Variants in ERC1 observed in about 807,000 individuals in gnomAD.
The protein encoded by ERC1 is RAB6 interacting protein 2.
In ERC1, 56 loss-of-function variants were observed where a neutral mutation model predicts 132.0. The ratio of observed to expected loss-of-function variants is 0.42; its 90% confidence interval spans 0.34 to 0.53. ERC1 has a LOEUF of 0.53. Ranked by LOEUF, ERC1 falls within the 20% of genes least tolerant of loss-of-function variation. ERC1 has a pLI of 0.03. For missense variants in ERC1, 1,202 were observed against 1,349.9 expected, an observed-to-expected ratio of 0.89 and a Z score of 1.72; for synonymous variants, 478 against 476.1, an observed-to-expected ratio of 1.00 and a Z score of -0.05.
intron 12 of ERC1, among the ~76,000 whole-genome samples, chr12:1,202,409 G>A (rs1956993777): frequency 6.6e-6 from 1 of 152,160 alleles, no homozygotes; most frequent in Admixed American, 6.5e-5. Flanking sequence ...TGTAATCCTA[G>A]CACTTTGGGA....
chr12:1,214,233 C>T (rs1310238261), intron 12 of ERC1, among the ~76,000 whole-genome samples: 1 of 152,092 alleles, frequency 6.6e-6, no homozygotes, highest in Admixed American at 6.5e-5. Context: ...TTAAAAGTAT[C>T]GTAGTTACAG....
intron 1 of ERC1, among the ~76,000 whole-genome samples, chr12:995,286 C>T (rs920251486): frequency 3.3e-5 from 5 of 151,908 alleles, no homozygotes; most frequent in African/African-American, 7.3e-5. Context: ...AATAAAAGTA[C>T]GGGCAGTAGT....
intron 2 of ERC1, among the ~76,000 whole-genome samples, chr12:1,072,461 A>G (rs1036605801): frequency 1.5e-5 from 2 of 137,424 alleles, no homozygotes; most frequent in Non-Finnish European, 3.3e-5. Context: ...AATTTTCTTC[A>G]TTAATTTTCT....
At chr12:1,153,844 C>T (rs1223818267) in intron 8 of ERC1, among the ~76,000 whole-genome samples, 2 of 152,234 alleles carry the variant, frequency 1.3e-5, no homozygotes, top group Non-Finnish European at 2.9e-5. Context: ...TCCCCTGGCC[C>T]TTTCCCTTCC....
chr12:1,470,453 T>A (rs545794422), intron 18 of ERC1, among the ~76,000 whole-genome samples: 1 of 151,820 alleles, frequency 6.6e-6, no homozygotes, highest in Non-Finnish European at 1.5e-5. Flanking sequence ...TTTTTTTGTT[T>A]TTTTTTTTTC....
chr12:1,174,515 A>C (rs1331485170), intron 8 of ERC1, among the ~76,000 whole-genome samples: 1 of 152,250 alleles, frequency 6.6e-6, no homozygotes, highest in African/African-American at 2.4e-5. Flanking sequence ...TATCAGCAGA[A>C]GTGTTTACTA....
rs983990120 is a variant in ERC1, at chr12:1,189,081, A to AT, written c.2158-769dup. On this transcript the variant is annotated intron_variant, in intron 11 of 18. Transcript: ENST00000360905. The stretch of plus-strand genomic sequence containing the variant: ...CTTTCAAAAAAATTTTTCTTAAACA[A>AT]TTTTTTTTTCCAATAGAGATGGGGC... Among the ~76,000 whole-genome samples the AT allele has an allele frequency of 1.1e-4, 16 of 151,458 alleles. 1 individual carries two copies. Among genetic ancestry groups the AT allele is most frequent in the Admixed American group, 3.3e-4 (5 of 15,206 alleles).
At chr12:1,249,495 C>T (rs1436421884) in intron 13 of ERC1, among the ~76,000 whole-genome samples, 1 of 152,118 alleles carries the variant, frequency 6.6e-6, no homozygotes, top group Non-Finnish European at 1.5e-5. Flanking sequence ...TTTGTTTCTG[C>T]ATTGATTTGG....
At chr12:1,097,778 G>A (rs543234920) in intron 3 of ERC1, among the ~76,000 whole-genome samples, 12 of 149,616 alleles carry the variant, frequency 8.0e-5, no homozygotes, top group East Asian at 3.9e-4. Context: ...GCAATGTCGC[G>A]ATCTCGGCTG....
intron 8 of ERC1, among the ~76,000 whole-genome samples, chr12:1,149,878 A>G (rs1294704467): frequency 6.6e-6 from 1 of 152,188 alleles, no homozygotes; most frequent in Non-Finnish European, 1.5e-5. Context: ...TTTGTGAGGT[A>G]TTAGGAATGA....
At chr12:1,386,647 G>A (rs1362655821) in intron 16 of ERC1, 27 of 1,118 alleles carry the variant, frequency 0.024, no homozygotes, top group African/African-American at 0.12. Flanking sequence ...GCAAGACTTC[G>A]TCTCAAAAAA....
intron 2 of ERC1, among the ~76,000 whole-genome samples, chr12:1,039,924 T>C (rs903572272): frequency 2.0e-5 from 3 of 152,178 alleles, no homozygotes; most frequent in African/African-American, 7.2e-5. Flanking sequence ...CAGCTCGATT[T>C]GTGTTTTGGT....
rs374923679 is a variant in ERC1, at chr12:1,287,390, G to T, written c.2620-2462G>T. Among the ~76,000 whole-genome samples, 30 of 152,298 alleles carry T rather than the reference G, an allele frequency of 2.0e-4. No homozygotes were observed. In the South Asian group the frequency reaches 6.2e-3, roughly 32 times the overall value. ...GTTAACTTTATATGTTGACTTGACT[G>T]GCTACGGGGTGCCCGGATACTTGCT... On this transcript the variant is annotated intron_variant, in intron 14 of 18. Transcript: ENST00000360905.
chr12:1,231,592 G>A (rs1218410018), intron 12 of ERC1, among the ~76,000 whole-genome samples: 2 of 151,714 alleles, frequency 1.3e-5, no homozygotes, highest in Non-Finnish European at 2.9e-5. Context: ...TTCTTATAAG[G>A]CAGGTCTAGT....
intron 4 of ERC1, among the ~76,000 whole-genome samples, chr12:1,105,127 T>G (rs1945106763): frequency 6.6e-6 from 1 of 152,182 alleles, no homozygotes; most frequent in Admixed American, 6.5e-5. Flanking sequence ...CTTCCTTCAT[T>G]TTAAGAAAAT....
At chr12:1,114,656 T>G (rs888641951) in intron 6 of ERC1, among the ~76,000 whole-genome samples, 4 of 151,630 alleles carry the variant, frequency 2.6e-5, no homozygotes, top group Non-Finnish European at 5.9e-5. Flanking sequence ...TGTTACAGTG[T>G]GTGCTAACTC....
At chr12:1,233,008 C>T (rs1160917797) in intron 12 of ERC1, among the ~76,000 whole-genome samples, 9 of 152,024 alleles carry the variant, frequency 5.9e-5, no homozygotes, top group Non-Finnish European at 1.0e-4. Flanking sequence ...CAGCAAATAG[C>T]CACTAGAAAA....
chr12:1,149,234 A>G (rs992752171), intron 8 of ERC1, among the ~76,000 whole-genome samples: 9 of 152,150 alleles, frequency 5.9e-5, no homozygotes, highest in African/African-American at 1.9e-4. Context: ...AGGAGTAACA[A>G]CTTTTTCCAC....
intron 17 of ERC1, among the ~76,000 whole-genome samples, chr12:1,434,229 T>C (rs2092887031): frequency 6.6e-6 from 1 of 152,230 alleles, no homozygotes; most frequent in Admixed American, 6.5e-5. Flanking sequence ...CTGGATTTCC[T>C]CACTAAAACT....
Sources: allele counts gnomAD v4.1 joint callset (sites outside exome capture counted in the v4.1 genomes callset), GRCh38; gene constraint gnomAD v4.1.1; transcripts MANE v1.5; gene names NCBI Gene and HGNC (gene_info 2026-07-23, HGNC 2026-07-21).